CNTNAP4: variants seen among roughly 807,000 people sequenced by gnomAD.
CNTNAP4 encodes the protein contactin associated protein family member 4.
A neutral mutation model predicts 148.4 loss-of-function variants in CNTNAP4; 98 were observed. The observed-to-expected ratio is 0.66, with a 90% CI of 0.56 to 0.78. The LOEUF is 0.78. Among genes scored for constraint, CNTNAP4 ranks in the 30% least tolerant of loss-of-function variants. CNTNAP4 has a pLI of 0.00. For synonymous variants in CNTNAP4, 730 were observed against 565.1 expected (o/e 1.29, Z -4.14); for missense variants, 1,935 against 1,565.6 (o/e 1.24, Z -3.98).
intron 1 of CNTNAP4, 60 bp downstream of exon 1, chr16:76,277,807 T>C: frequency 9.6e-7 from 1 of 1,044,160 alleles, no homozygotes; most frequent in South Asian, 1.4e-5. Context: ...ACTTTGATTC[T>C]GTTGGTTTGA....
chr16:76,475,903 A>G, intron 10 of CNTNAP4, 36 bp from the exon 11 acceptor site: 3 of 1,476,548 alleles, frequency 2.0e-6, no homozygotes, highest in Non-Finnish European at 2.8e-6. Context: ...ATATCTAAAA[A>G]TGGAAACTGG....
chr16:76,552,338 A>G (rs1252203068), intron 21 of CNTNAP4, among the ~76,000 whole-genome samples: 1 of 152,178 alleles, frequency 6.6e-6, no homozygotes, highest in Admixed American at 6.5e-5. Flanking sequence ...GAGCCAAACC[A>G]TATCAATAGT....
chr16:76,452,421 T>A, intron 7 of CNTNAP4, 87 bp from the exon 8 acceptor site: 1 of 1,330,520 alleles, frequency 7.5e-7, no homozygotes, highest in Non-Finnish European at 1.1e-6. Flanking sequence ...TCGCGGATAA[T>A]GTGAGATTGA....
At chr16:76,363,984 C>G (rs1040804994) in intron 3 of CNTNAP4, among the ~76,000 whole-genome samples, 2 of 151,802 alleles carry the variant, frequency 1.3e-5, no homozygotes, top group South Asian at 2.1e-4. Context: ...GGCCTGTAAT[C>G]CCAGCACTTT....
intron 1 of CNTNAP4, among the ~76,000 whole-genome samples, chr16:76,278,354 C>T (rs529042483): frequency 7.9e-5 from 12 of 152,306 alleles, no homozygotes; most frequent in Non-Finnish European, 1.6e-4. Context: ...GGAGCCTCTT[C>T]CTACATTTCG....
rs573484226 is a variant in CNTNAP4, at chr16:76,348,358, T to C, written c.197-6960T>C. Among the ~76,000 whole-genome samples, 9 of 151,288 alleles carry C rather than the reference T, an allele frequency of 5.9e-5. No homozygotes were observed. In the East Asian group the frequency reaches 1.8e-3, roughly 30 times the overall value. On this transcript the variant is annotated intron_variant, in intron 2 of 23. Coordinates refer to ENST00000611870, the MANE Select transcript of CNTNAP4 (RefSeq NM_033401.5). Reference sequence around the variant, plus strand: ...TCCAGTCTTGGGTTCAGGGAAGGAGTGTAGGCAGATTTATGAATAAGGGAA... The same window carrying C: ...TCCAGTCTTGGGTTCAGGGAAGGAGCGTAGGCAGATTTATGAATAAGGGAA...
chr16:76,299,984 G>C (rs1258524791), intron 1 of CNTNAP4, among the ~76,000 whole-genome samples: 1 of 151,876 alleles, frequency 6.6e-6, no homozygotes, highest in Non-Finnish European at 1.5e-5. Context: ...ATTGCACACT[G>C]GGGCCTGTTG....
chr16:76,558,259 G>A (rs1051318696), intron 23 of CNTNAP4: 2 of 422,678 alleles, frequency 4.7e-6, no homozygotes, highest in Admixed American at 4.1e-5. Context: ...GATATAATAT[G>A]CATTCATAAT....
At position 76,459,678 on chromosome 16, in the gene CNTNAP4, A is replaced by G. The variant is rs1224982055; in HGVS notation, c.1334-2278A>G. Among the ~76,000 whole-genome samples, 8 of 152,350 alleles carry G rather than the reference A, an allele frequency of 5.3e-5. No homozygotes were observed. In the East Asian group the frequency reaches 1.5e-3, roughly 29 times the overall value. On this transcript the variant is annotated intron_variant, in intron 8 of 23. Coordinates refer to ENST00000611870, the MANE Select transcript of CNTNAP4 (RefSeq NM_033401.5). ...AAAATCAGTAAAGAAATCACATGCAATATCAGAAAAAAGGCTGTTTGGTTT... is the reference window on the plus strand; with the variant it reads ...AAAATCAGTAAAGAAATCACATGCAGTATCAGAAAAAAGGCTGTTTGGTTT...
intron 3 of CNTNAP4, among the ~76,000 whole-genome samples, chr16:76,382,575 G>A (rs536995424): frequency 1.5e-3 from 226 of 152,212 alleles, no homozygotes; most frequent in Non-Finnish European, 1.4e-3. Flanking sequence ...GAAAGATTAA[G>A]TAGATATCAT....
intron 3 of CNTNAP4, among the ~76,000 whole-genome samples, chr16:76,383,112 C>CTTT (rs5817988): frequency 2.6e-4 from 39 of 147,318 alleles, no homozygotes; most frequent in African/African-American, 8.0e-4. Context: ...ATTTATCCCA[C>CTTT]TTTTTTTTTT....
chr16:76,297,963 A>G lies in CNTNAP4; in HGVS notation c.86-18450A>G, dbSNP rs549482409. 3.3e-5 allele frequency among the ~76,000 whole-genome samples: 5 copies of G among 151,322 alleles called. No homozygotes were observed. In the South Asian group the frequency reaches 1.0e-3, roughly 32 times the overall value. The stretch of plus-strand genomic sequence containing the variant: ...GTCAAACATATTATTTTTTTTTCTT[A>G]TCACCCGTAATCAGAAACCTGAAGA... On this transcript the variant is annotated intron_variant, in intron 1 of 23. Coordinates refer to ENST00000611870, the MANE Select transcript of CNTNAP4 (RefSeq NM_033401.5).
chr16:76,376,118 A>G (rs1181308687), intron 3 of CNTNAP4, among the ~76,000 whole-genome samples: 1 of 152,082 alleles, frequency 6.6e-6, no homozygotes, highest in African/African-American at 2.4e-5. Context: ...TGAGGAAGAG[A>G]TAAAGGGGAA....
chr16:76,560,554 T>G lies in CNTNAP4; in HGVS notation c.*1871T>G, dbSNP rs1040779700. 6.6e-6 allele frequency among the ~76,000 whole-genome samples: 1 copy of G among 152,152 alleles called. No individual in the cohort carries two copies. Among genetic ancestry groups the G allele is most frequent in the Non-Finnish European group, 1.5e-5 (1 of 68,020 alleles). On this transcript the variant is annotated 3_prime_UTR_variant, in exon 24 of 24. Coordinates refer to ENST00000611870, the MANE Select transcript of CNTNAP4 (RefSeq NM_033401.5). The stretch of plus-strand genomic sequence containing the variant: ...TCTGAATCTTTTGCAGATGTTCATG[T>G]TATTTAGTAGCGGTATTAACCTCAT...
In CNTNAP4 at chr16:76,498,915, G is replaced by C. The variant is rs1037982741; in HGVS notation, c.2365+221G>C. Among the ~76,000 whole-genome samples the C allele has an allele frequency of 2.6e-5, 4 of 152,254 alleles. No homozygotes were observed. In the South Asian group the frequency reaches 6.2e-4, roughly 24 times the overall value. On this transcript the variant is annotated intron_variant, in intron 15 of 23. Transcript: ENST00000611870. Reference sequence around the variant, plus strand: ...AGGGACTGGGGACAGGAAAGAATGGGAAGTTACAGTTTAATGAGTACAGAG... The same window carrying C: ...AGGGACTGGGGACAGGAAAGAATGGCAAGTTACAGTTTAATGAGTACAGAG...
At chr16:76,548,770 C>G (rs570410012) in intron 21 of CNTNAP4, among the ~76,000 whole-genome samples, 34 of 152,302 alleles carry the variant, frequency 2.2e-4, no homozygotes, top group Non-Finnish European at 3.4e-4. Flanking sequence ...TCATCAGTCT[C>G]TCCCTCCACC....
At chr16:76,329,117 T>C (rs1433741155) in intron 2 of CNTNAP4, among the ~76,000 whole-genome samples, 1 of 152,212 alleles carries the variant, frequency 6.6e-6, no homozygotes, top group East Asian at 1.9e-4. Flanking sequence ...AAAAGAATAT[T>C]TGTGTGTGCC....
At chr16:76,377,773 T>C (rs917282820) in intron 3 of CNTNAP4, among the ~76,000 whole-genome samples, 1 of 152,198 alleles carries the variant, frequency 6.6e-6, no homozygotes, top group African/African-American at 2.4e-5. Context: ...GAAATAAAAA[T>C]TCTCTGTAAT....
At chr16:76,511,420 C>T (rs552434865) in intron 15 of CNTNAP4, among the ~76,000 whole-genome samples, 1 of 152,200 alleles carries the variant, frequency 6.6e-6, no homozygotes, top group African/African-American at 2.4e-5. Context: ...AATAACTTTG[C>T]AGAAGTGAGA....
Sources: allele counts gnomAD v4.1 joint callset (sites outside exome capture counted in the v4.1 genomes callset), GRCh38; gene constraint gnomAD v4.1.1; transcripts MANE v1.5; gene names NCBI Gene and HGNC (gene_info 2026-07-23, HGNC 2026-07-21).